KY: variants seen among roughly 807,000 people sequenced by gnomAD.
The protein encoded by KY is kyphoscoliosis peptidase.
A neutral mutation model predicts 76.1 loss-of-function variants in KY; 43 were observed. The observed-to-expected ratio is 0.57, with a 90% confidence interval of 0.44 to 0.73. KY has a LOEUF of 0.73. Ranked by LOEUF, KY falls within the 30% of genes least tolerant of loss-of-function variation. KY has a pLI of 0.00. For synonymous variants in KY, 277 were observed against 326.2 expected (o/e 0.85, Z 1.63); for missense variants, 722 against 828.9 (o/e 0.87, Z 1.58).
rs2107716105 is a variant in KY at position 134,600,274 on chromosome 3, C to T, written c.*3305G>A. 6.6e-6 allele frequency among the ~76,000 whole-genome samples: 1 copy of T among 152,300 alleles called. No individual in the cohort carries two copies. The highest frequency in any genetic ancestry group is 1.9e-4 in the East Asian group (1 of 5,186). ...GAACATGGCATCTAAAACCTCAGACCACTGGGAAAACTTTTCTCCTTTTCA... is the reference window on the plus strand; with the variant it reads ...GAACATGGCATCTAAAACCTCAGACTACTGGGAAAACTTTTCTCCTTTTCA... On this transcript the variant is annotated 3_prime_UTR_variant, in exon 11 of 11. Coordinates refer to ENST00000423778, the MANE Select transcript of KY (RefSeq NM_178554.6).
rs1959366318 is a variant in KY, at chr3:134,607,363, C to T, written c.1090+1286G>A. On this transcript the variant is annotated intron_variant, in intron 10 of 10. Coordinates refer to ENST00000423778, the MANE Select transcript of KY (RefSeq NM_178554.6). ...AACTAACTTGGGGACACCTGTGCTC[C>T]CCGCTGCCCCATTGCCCTGCAATGT... The T allele has an allele frequency of 9.1e-6, 9 of 985,420 alleles. No homozygotes were observed. In the Admixed American group the frequency reaches 4.3e-4, roughly 47 times the overall value. The allele number at this position is 985,420 out of a possible 1,614,324, so 61.0% of individuals were successfully genotyped here.
intron 3 of KY, among the ~76,000 whole-genome samples, chr3:134,638,840 A>T (rs1001155502): frequency 1.3e-5 from 2 of 152,078 alleles, no homozygotes; most frequent in African/African-American, 2.4e-5. Context: ...AACAGGTTTC[A>T]TGTTTTTCAT....
At chr3:134,643,729 T>G (rs903411851) in intron 2 of KY, among the ~76,000 whole-genome samples, 9 of 152,152 alleles carry the variant, frequency 5.9e-5, no homozygotes, top group African/African-American at 1.2e-4. Context: ...CATACACAGA[T>G]GCCTCATTGA....
Position 134,603,869 on chromosome 3 carries a change from G to A in KY, c.1696C>T (p.Pro566Ser). Residue 566 changes from proline (P) to serine (S), a missense_variant, in exon 11 of 11, where the codon CCC (proline) becomes TCC (serine). This residue lies in a region of KY where 552 missense variants were observed against 680.9 expected (regional missense o/e 0.81). Coordinates refer to ENST00000423778, the MANE Select transcript of KY (RefSeq NM_178554.6). ...VCCANTKVNWPMFPESFGNWG... is the reference protein window; with the variant it reads ...VCCANTKVNWSMFPESFGNWG... ...TTGCCAAAGCTCTCAGGGAACATGGGCCAGTTCACCTTGGTGTTGGCACAG... is the reference window on the plus strand; with the variant it reads ...TTGCCAAAGCTCTCAGGGAACATGGACCAGTTCACCTTGGTGTTGGCACAG... 6.2e-7 allele frequency: 1 copy of A among 1,614,026 alleles called. No individual in the cohort carries two copies. Among genetic ancestry groups the A allele is most frequent in the East Asian group, 2.2e-5 (1 of 44,880 alleles).
intron 3 of KY, among the ~76,000 whole-genome samples, chr3:134,640,351 C>G (rs1485887793): frequency 6.6e-6 from 1 of 152,152 alleles, no homozygotes; most frequent in African/African-American, 2.4e-5. Context: ...ACTTCTGGGT[C>G]TGGTATGCGA....
At chr3:134,643,459 G>A (rs1040773169) in intron 2 of KY, 81 bp from the exon 3 acceptor site, 27 of 1,230,222 alleles carry the variant, frequency 2.2e-5, no homozygotes, top group East Asian at 9.5e-5. Context: ...ATGTGTTTGC[G>A]GGAAAGGTGG....
chr3:134,643,330 G>A lies in KY; in HGVS notation c.248C>T (p.Ser83Phe), dbSNP rs779135595. 1 of 1,613,950 alleles carries A rather than the reference G, an allele frequency of 6.2e-7. No homozygotes were observed. Among genetic ancestry groups the A allele is most frequent in the South Asian group, 1.1e-5 (1 of 91,070 alleles). ...GAATCACTTACCTTGGCTGTTGTAG[G>A]AAGTGATGACCTGGGGCTGCTGAGG... ...QHPQQPQVIT[S>F]YNSQGTQLTV... The change falls in exon 3 of 11, where the codon TCC becomes TTC. Residue 83 changes from serine (S) to phenylalanine (F), a missense_variant. Ser to Phe is a radical substitution (Grantham distance 155). Transcript: ENST00000423778.
At chr3:134,632,573 A>G (rs1964376849) in intron 3 of KY, among the ~76,000 whole-genome samples, 1 of 152,064 alleles carries the variant, frequency 6.6e-6, no homozygotes, top group Non-Finnish European at 1.5e-5. Context: ...ATGAAAATAA[A>G]ACATATCAAA....
intron 8 of KY, among the ~76,000 whole-genome samples, chr3:134,615,668 TGGG>T (rs748975336): frequency 8.2e-4 from 124 of 150,498 alleles, no homozygotes; most frequent in Middle Eastern, 7.0e-3. Flanking sequence ...GCTATAAGGG[TGGG>T]GGAGCTAAGA....
At chr3:134,623,472 C>T (rs963159106) in intron 6 of KY, among the ~76,000 whole-genome samples, 1 of 152,146 alleles carries the variant, frequency 6.6e-6, no homozygotes. Context: ...CAGGGACTTC[C>T]CTTCTTCAAT....
At chr3:134,628,093 C>A in intron 4 of KY, 1 of 473,810 alleles carries the variant, frequency 2.1e-6, no homozygotes, top group Middle Eastern at 3.0e-4. Flanking sequence ...TGACCTAACA[C>A]TTTGGGTGAT....
At chr3:134,607,639 AG>A in intron 10 of KY, 1 of 985,692 alleles carries the variant, frequency 1.0e-6, no homozygotes, top group African/African-American at 1.7e-5. Context: ...ACAATCTTCC[AG>A]AGAAGGCCCT....
intron 3 of KY, among the ~76,000 whole-genome samples, chr3:134,632,740 A>T (rs1022445692): frequency 6.6e-5 from 10 of 152,000 alleles, no homozygotes; most frequent in African/African-American, 2.4e-4. Flanking sequence ...GAAGGAAGAA[A>T]ATCATAAAAA....
At chr3:134,614,442 T>C (rs957607165) in intron 8 of KY, among the ~76,000 whole-genome samples, 2 of 152,012 alleles carry the variant, frequency 1.3e-5, no homozygotes, top group Non-Finnish European at 1.5e-5. Context: ...AGGAGCACCC[T>C]GGAGGATTTG....
chr3:134,600,424 T>C lies in KY; in HGVS notation c.*3155A>G, dbSNP rs1958913545. Among the ~76,000 whole-genome samples, 1 of 152,234 alleles carries C rather than the reference T, an allele frequency of 6.6e-6. No homozygotes were observed. The highest frequency in any genetic ancestry group is 1.5e-5 in the Non-Finnish European group (1 of 68,030). ...CTTCAGTTAGTCTATTTATTTACTT[T>C]TAATCTTAGCAGGCAGTGAGGAGGC... On this transcript the variant is annotated 3_prime_UTR_variant, in exon 11 of 11. Transcript: ENST00000423778.
At chr3:134,627,592 C>A (rs926074901) in intron 5 of KY, among the ~76,000 whole-genome samples, 164 bp downstream of exon 5, 1 of 152,174 alleles carries the variant, frequency 6.6e-6, no homozygotes, top group East Asian at 1.9e-4. Context: ...GTGTCCATGG[C>A]AGACATTGCT....
chr3:134,610,086 G>A, intron 9 of KY, 109 bp downstream of exon 9: 1 of 1,219,716 alleles, frequency 8.2e-7, no homozygotes, highest in Non-Finnish European at 1.2e-6. Flanking sequence ...GGGCCTCCTG[G>A]CTCTCCTTCC....
At chr3:134,606,875 C>T in intron 10 of KY, 2 of 971,488 alleles carry the variant, frequency 2.1e-6, no homozygotes, top group Non-Finnish European at 2.4e-6. Context: ...AGCTTTCCAG[C>T]CCCTTATCTA....
At chr3:134,615,026 A>C (rs890241725) in intron 8 of KY, among the ~76,000 whole-genome samples, 4 of 152,180 alleles carry the variant, frequency 2.6e-5, no homozygotes, top group Admixed American at 6.5e-5. Flanking sequence ...AGCAGGACAA[A>C]CAAACCATGA....
Sources: gnomAD v4.1 joint callset for allele counts (sites outside exome capture counted in the v4.1 genomes callset) on GRCh38, gnomAD v4.1.1 for gene constraint, gnomAD v4.1.1 regional missense constraint, MANE v1.5 for transcripts, NCBI Gene and HGNC (gene_info 2026-07-23, HGNC 2026-07-21) for gene names.